Variants in INSR observed in about 807,000 individuals in gnomAD.
INSR encodes insulin receptor.
A neutral mutation model predicts 142.6 loss-of-function variants in INSR; 67 were observed. The observed-to-expected ratio is 0.47, with a 90% CI of 0.39 to 0.58. The LOEUF is 0.58. INSR is among the 20% of genes least tolerant of loss of function. INSR has a pLI of 0.00. For synonymous variants in INSR, 756 were observed against 743.1 expected (o/e 1.02, Z -0.28); for missense variants, 1,248 against 1,833.2 (o/e 0.68, Z 5.83).
chr19:7,170,870 G>A, intron 5 of INSR, 119 bp from the exon 6 acceptor site: 2 of 819,290 alleles, frequency 2.4e-6, no homozygotes, highest in East Asian at 2.4e-5. Context: ...CTCTCCACTT[G>A]CTTGGCACAT....
At chr19:7,275,380 A>G (rs185484292) in intron 1 of INSR, among the ~76,000 whole-genome samples, 265 of 152,256 alleles carry the variant, frequency 1.7e-3, no homozygotes, top group Non-Finnish European at 2.7e-3. Context: ...AGTTGTTCCA[A>G]ATATATGGGA....
At chr19:7,163,734 C>T (rs1381939984) in intron 8 of INSR, among the ~76,000 whole-genome samples, 2 of 151,400 alleles carry the variant, frequency 1.3e-5, no homozygotes, top group Non-Finnish European at 2.9e-5. Flanking sequence ...CTAAAAGATA[C>T]AGGATGAATG....
chr19:7,227,510 C>T (rs370023105), intron 2 of INSR, among the ~76,000 whole-genome samples: 15 of 152,188 alleles, frequency 9.9e-5, no homozygotes, highest in African/African-American at 3.6e-4. Flanking sequence ...TGGACTCAAG[C>T]GATCCGCTTG....
intron 2 of INSR, among the ~76,000 whole-genome samples, chr19:7,240,656 C>T (rs1247074245): frequency 3.9e-5 from 6 of 152,064 alleles, no homozygotes; most frequent in Admixed American, 3.9e-4. Flanking sequence ...AATTTCCTGG[C>T]CCGAAAATCC....
At chr19:7,131,933 G>C (rs1972792529) in intron 14 of INSR, among the ~76,000 whole-genome samples, 1 of 151,680 alleles carries the variant, frequency 6.6e-6, no homozygotes, top group Non-Finnish European at 1.5e-5. Context: ...GGGAGGCGGA[G>C]GCTACAGTGA....
intron 1 of INSR, among the ~76,000 whole-genome samples, chr19:7,288,312 G>C (rs1312259817): frequency 6.6e-6 from 1 of 152,176 alleles, no homozygotes; most frequent in Non-Finnish European, 1.5e-5. Flanking sequence ...ACCAGCATGG[G>C]CAACATAGCT....
At chr19:7,235,891 G>A (rs1976142831) in intron 2 of INSR, among the ~76,000 whole-genome samples, 1 of 151,296 alleles carries the variant, frequency 6.6e-6, no homozygotes, top group Non-Finnish European at 1.5e-5. Context: ...TGCTAAGGAT[G>A]TGGAGCAATT....
chr19:7,157,645 C>T (rs2144913146), intron 9 of INSR, among the ~76,000 whole-genome samples: 1 of 152,140 alleles, frequency 6.6e-6, no homozygotes, highest in South Asian at 2.1e-4. Flanking sequence ...GGTGCAAGCA[C>T]AGTTATGCCT....
At chr19:7,185,641 G>A (rs1011931111) in intron 2 of INSR, among the ~76,000 whole-genome samples, 5 of 149,312 alleles carry the variant, frequency 3.3e-5, no homozygotes, top group African/African-American at 1.2e-4. Context: ...TCAGGAGTTT[G>A]AGACCAGCCT....
intron 20 of INSR, among the ~76,000 whole-genome samples, chr19:7,120,344 C>T (rs940769987): frequency 2.0e-5 from 3 of 152,220 alleles, no homozygotes; most frequent in African/African-American, 7.2e-5. Context: ...GTCCTCAGGA[C>T]CACCTGAGGC....
At chr19:7,207,648 G>A (rs1037657438) in intron 2 of INSR, among the ~76,000 whole-genome samples, 3 of 149,968 alleles carry the variant, frequency 2.0e-5, no homozygotes, top group Non-Finnish European at 4.4e-5. Context: ...AATGGGCCGG[G>A]CCAGTGGCTC....
At chr19:7,282,858 T>A (rs7507979) in intron 1 of INSR, among the ~76,000 whole-genome samples, 93,450 of 148,262 alleles carry the variant, frequency 0.63, 29,045 homozygotes, top group Middle Eastern at 0.69. Flanking sequence ...CTGTAGTCCC[T>A]GCTACTCAGG....
chr19:7,181,833 G>A (rs1244239458), intron 3 of INSR, among the ~76,000 whole-genome samples: 2 of 151,258 alleles, frequency 1.3e-5, no homozygotes, highest in African/African-American at 4.9e-5. Flanking sequence ...CGTCCACTTC[G>A]GCCTCCCAAA....
intron 2 of INSR, among the ~76,000 whole-genome samples, chr19:7,186,318 T>C (rs1300528479): frequency 6.6e-6 from 1 of 152,162 alleles, no homozygotes; most frequent in Non-Finnish European, 1.5e-5. Context: ...GGAACAGAAG[T>C]GGCCCCAGAA....
rs1228427582 is a variant in INSR at position 7,132,094 on chromosome 19, A to C, written c.2842+64T>G. On this transcript the variant is annotated intron_variant, in intron 14 of 21. Coordinates refer to ENST00000302850, the MANE Select transcript of INSR (RefSeq NM_000208.4). ...GCGGCCTCTCCAAGTCATCCCCTGC[A>C]ATGTCCCACCATGCTCAGTGCTAAG... The C allele has an allele frequency of 1.9e-6, 3 of 1,603,420 alleles. No homozygotes were observed. The Admixed American group carries it at 5.0e-5, about 27-fold the overall frequency.
Position 7,223,680 on chromosome 19 carries a change from T to C in INSR, c.653-39043A>G, listed in dbSNP as rs1011535148. Among the ~76,000 whole-genome samples the C allele has an allele frequency of 3.9e-5, 6 of 152,186 alleles. 1 individual carries two copies. The highest frequency in any genetic ancestry group is 1.4e-4 in the African/African-American group (6 of 41,456). ...ACCCAGTACAAAAGTTCCCTTCCTC[T>C]GTAAGGCAGAGTATAGCAAGAAAAG... On this transcript the variant is annotated intron_variant, in intron 2 of 21. Coordinates refer to ENST00000302850, the MANE Select transcript of INSR (RefSeq NM_000208.4).
At chr19:7,217,760 C>T (rs192087954) in intron 2 of INSR, among the ~76,000 whole-genome samples, 236 of 152,292 alleles carry the variant, frequency 1.5e-3, no homozygotes, top group African/African-American at 5.3e-3. Context: ...GGGGTTTCAC[C>T]GTGTTAGCCA....
Position 7,166,176 on chromosome 19 carries a change from A to C in INSR, c.1839T>G (p.Ile613Met). ...CACTGGTGGCATCTGTCTGGACATA[A>C]ATGATGTCACTCTTGGCCCCATAGG... ...RRTYGAKSDI[I>M]YVQTDATNPS... is the part of the protein sequence containing the mutation. The change falls in exon 8 of 22, where the codon ATT (isoleucine) becomes ATG (methionine). Residue 613 changes from isoleucine to methionine, a missense_variant. This residue lies in a region of INSR where 1,069 missense variants were observed against 1,654.0 expected (regional missense o/e 0.65). Coordinates refer to ENST00000302850, the MANE Select transcript of INSR (RefSeq NM_000208.4). This position sits in a 1 kb window ranked among gnomAD's most constrained non-coding sequence, Gnocchi z 4.1. 1.2e-6 allele frequency: 2 copies of C among 1,614,166 alleles called. No individual in the cohort carries two copies. The highest frequency in any genetic ancestry group is 1.7e-6 in the Non-Finnish European group (2 of 1,180,036).
chr19:7,121,076 C>A (rs1228168328), intron 19 of INSR, among the ~76,000 whole-genome samples: 1 of 152,022 alleles, frequency 6.6e-6, no homozygotes, highest in Non-Finnish European at 1.5e-5. Context: ...TGGCTCACTG[C>A]AACCTCTACC....
Sources: gnomAD v4.1 joint callset for allele counts (sites outside exome capture counted in the v4.1 genomes callset) on GRCh38, gnomAD v4.1.1 for gene constraint, gnomAD v4.1.1 regional missense constraint, Gnocchi (gnomAD v3.1) non-coding constraint, MANE v1.5 for transcripts, NCBI Gene and HGNC (gene_info 2026-07-23, HGNC 2026-07-21) for gene names.